NFX1: variants seen among roughly 807,000 people sequenced by gnomAD.
NFX1 encodes nuclear transcription factor, X-box binding 1.
NFX1 carries 69 observed loss-of-function variants against 137.2 expected under a neutral mutation model. The observed-to-expected ratio is 0.50, with a 90% CI of 0.41 to 0.61. The LOEUF is 0.61. NFX1 is among the 20% of genes least tolerant of loss of function. The pLI is 0.00. For missense variants in NFX1, 1,167 were observed against 1,391.0 expected, an observed-to-expected ratio of 0.84 and a Z score of 2.56; for synonymous variants, 495 against 474.1, an observed-to-expected ratio of 1.04 and a Z score of -0.57.
chr9:33,300,809 A>G (rs73645269), intron 2 of NFX1, among the ~76,000 whole-genome samples: 1 of 152,220 alleles, frequency 6.6e-6, no homozygotes, highest in Non-Finnish European at 1.5e-5. Context: ...CCATCTCACC[A>G]CTCATGGGTT....
intron 15 of NFX1, among the ~76,000 whole-genome samples, chr9:33,349,336 T>C (rs1823550746): frequency 6.6e-6 from 1 of 152,170 alleles, no homozygotes; most frequent in East Asian, 1.9e-4. Context: ...CCAGGTGTTC[T>C]GGAAAAATTA....
At chr9:33,368,926 C>T (rs1369689718) in intron 23 of NFX1, among the ~76,000 whole-genome samples, 1 of 152,154 alleles carries the variant, frequency 6.6e-6, no homozygotes, top group African/African-American at 2.4e-5. Flanking sequence ...AGGTTCTGGT[C>T]AGCACAGTCT....
intron 19 of NFX1, 113 bp from the exon 20 acceptor site, chr9:33,363,897 A>G (rs966018530): frequency 1.7e-6 from 1 of 586,264 alleles, no homozygotes; most frequent in Non-Finnish European, 2.8e-6. Context: ...CCAGTTTACC[A>G]AAATAGAGAT....
chr9:33,353,295 T>C (rs1823706069), intron 17 of NFX1, among the ~76,000 whole-genome samples: 1 of 152,234 alleles, frequency 6.6e-6, no homozygotes, highest in South Asian at 2.1e-4. Context: ...AGGGCTAAGC[T>C]CTGTGCTCCT....
intron 16 of NFX1, among the ~76,000 whole-genome samples, chr9:33,352,087 T>C (rs1823657413): frequency 6.6e-6 from 1 of 152,218 alleles, no homozygotes; most frequent in Non-Finnish European, 1.5e-5. Context: ...TGTATAAATG[T>C]CTTTTGTGCA....
intron 7 of NFX1, among the ~76,000 whole-genome samples, chr9:33,318,077 T>C (rs1182182040): frequency 6.6e-6 from 1 of 152,056 alleles, no homozygotes; most frequent in Non-Finnish European, 1.5e-5. Flanking sequence ...TAATACCTTA[T>C]TAGAAGGTTT....
intron 2 of NFX1, among the ~76,000 whole-genome samples, chr9:33,299,675 C>T (rs900414024): frequency 6.6e-6 from 1 of 152,052 alleles, no homozygotes; most frequent in Non-Finnish European, 1.5e-5. Flanking sequence ...ACTTTGGTGA[C>T]GCCTGTAACT....
At chr9:33,350,755 C>G (rs73478931) in intron 15 of NFX1, among the ~76,000 whole-genome samples, 5,451 of 152,298 alleles carry the variant, frequency 0.036, 327 homozygotes, top group African/African-American at 0.12. Context: ...AATCAGAAGA[C>G]TAAGGCAAGA....
chr9:33,363,544 A>G (rs1195151787), intron 19 of NFX1, among the ~76,000 whole-genome samples: 1 of 152,142 alleles, frequency 6.6e-6, no homozygotes, highest in Non-Finnish European at 1.5e-5. Context: ...TTGGCCTCCC[A>G]GAGTCCTAGG....
chr9:33,327,475 C>G (rs1367554130), intron 9 of NFX1, among the ~76,000 whole-genome samples: 1 of 152,224 alleles, frequency 6.6e-6, no homozygotes, highest in Non-Finnish European at 1.5e-5. Context: ...AGCGATTCTC[C>G]TGCCTCAGCC....
chr9:33,305,322 T>C (rs935539691), intron 4 of NFX1, among the ~76,000 whole-genome samples: 1 of 152,200 alleles, frequency 6.6e-6, no homozygotes, highest in African/African-American at 2.4e-5. Flanking sequence ...GTAAAATCTT[T>C]GTAGGCAGAA....
At chr9:33,355,424 T>G (rs1467178249) in intron 19 of NFX1, among the ~76,000 whole-genome samples, 1 of 152,224 alleles carries the variant, frequency 6.6e-6, no homozygotes, top group Non-Finnish European at 1.5e-5. Flanking sequence ...TTTTGAACTT[T>G]ATGTAAGTGA....
At chr9:33,363,968 C>A in intron 19 of NFX1, 42 bp from the exon 20 acceptor site, 1 of 1,379,416 alleles carries the variant, frequency 7.2e-7, no homozygotes, top group Non-Finnish European at 9.8e-7. Context: ...AGATAGTTTC[C>A]CTCCCACTCC....
At chr9:33,319,981 A>G (rs1253339887) in intron 9 of NFX1, among the ~76,000 whole-genome samples, 10 of 135,908 alleles carry the variant, frequency 7.4e-5, no homozygotes, top group Non-Finnish European at 1.6e-4. Flanking sequence ...TTTTTTTTTG[A>G]GACAGAGTCT....
intron 2 of NFX1, 116 bp from the exon 3 acceptor site, chr9:33,301,147 A>C (rs1442162222): frequency 2.3e-5 from 22 of 967,272 alleles, no homozygotes; most frequent in African/African-American, 3.3e-5. Context: ...ATATCCCTTA[A>C]AATCTCTGTG....
chr9:33,367,434 C>G, intron 22 of NFX1, 81 bp from the exon 23 acceptor site: 3 of 1,453,942 alleles, frequency 2.1e-6, no homozygotes, highest in Non-Finnish European at 2.9e-6. Flanking sequence ...GTGCCAAAAT[C>G]AAGGGCTGAG....
Position 33,344,150 on chromosome 9 carries a change from C to T in NFX1, c.2306C>T (p.Thr769Ile). The T allele has an allele frequency of 6.2e-7, 1 of 1,614,036 alleles. No homozygotes were observed. Among genetic ancestry groups the T allele is most frequent in the Non-Finnish European group, 8.5e-7 (1 of 1,179,962 alleles). The change falls in exon 14 of 24, where the codon ACC becomes ATC. Residue 769 changes from threonine (T) to isoleucine (I), a missense_variant. Physicochemically the swap from Thr to Ile is moderately conservative, Grantham distance 89. Coordinates refer to ENST00000379540, the MANE Select transcript of NFX1 (RefSeq NM_002504.6). ...TGTGGTACTAGGCCCCCTGAATGTA[C>T]CCAAACCTGCGCTAGAGTCCATGAG... Reference protein sequence around the residue: ...VPCGTRPPECTQTCARVHECD... With the variant: ...VPCGTRPPECIQTCARVHECD...
intron 11 of NFX1, among the ~76,000 whole-genome samples, chr9:33,335,617 G>GATCCTCCCATGTTGGCCTCCC (rs1822975173): frequency 6.6e-6 from 1 of 152,010 alleles, no homozygotes; most frequent in Non-Finnish European, 1.5e-5. Context: ...GGTCTCAAGT[G>GATCCTCCCATGTTGGCCTCCC]ATCCTCCCAT....
chr9:33,317,428 AAAAAAAAG>A (rs1330502491), intron 7 of NFX1, among the ~76,000 whole-genome samples: 1 of 150,250 alleles, frequency 6.7e-6, no homozygotes, highest in Non-Finnish European at 1.5e-5. Context: ...CCAAAAAAAA[AAAAAAAAG>A]AAAGAAAGAA....
Sources: allele counts gnomAD v4.1 joint callset (sites outside exome capture counted in the v4.1 genomes callset), GRCh38; gene constraint gnomAD v4.1.1; transcripts MANE v1.5; gene names NCBI Gene and HGNC (gene_info 2026-07-23, HGNC 2026-07-21).